The following TEX15 variants were observed in gnomAD, a reference collection of about 807,000 sequenced individuals.
The protein encoded by TEX15 is testis-expressed protein 15.
A neutral mutation model predicts 237.3 loss-of-function variants in TEX15; 171 were observed. The ratio of observed to expected loss-of-function variants is 0.72; its 90% CI spans 0.64 to 0.82. The LOEUF is 0.82. Among genes scored for constraint, TEX15 ranks in the 40% least tolerant of loss-of-function variants. TEX15 has a pLI of 0.00. For missense variants in TEX15, 3,750 were observed against 3,646.5 expected (o/e 1.03, Z -0.73); for synonymous variants, 1,338 against 1,269.8 (o/e 1.05, Z -1.14).
intron 5 of TEX15, among the ~76,000 whole-genome samples, chr8:30,862,438 T>C (rs987488741): frequency 2.6e-5 from 4 of 152,176 alleles, no homozygotes; most frequent in East Asian, 1.9e-4. Context: ...AACAACATAC[T>C]TTAATTACAA....
Position 30,842,333 on chromosome 8 carries a change from T to A in TEX15, c.7834A>T (p.Ile2612Phe). ...TCAATCGTTTTCATGACTTTCCTAA[T>A]GTGGGCCATTTTTCCTAAATCTTTC... ...PRKDLGKMAHIRKVMKTIEHM... is the reference protein window; with the variant it reads ...PRKDLGKMAHFRKVMKTIEHM... The change falls in exon 8 of 11, where the codon ATT (isoleucine) becomes TTT (phenylalanine). Residue 2612 changes from isoleucine (I) to phenylalanine (F), a missense_variant. Coordinates refer to ENST00000643185, the MANE Select transcript of TEX15 (RefSeq NM_001350162.2). The A allele has an allele frequency of 6.2e-7, 1 of 1,613,916 alleles. No homozygotes were observed. The highest frequency in any genetic ancestry group is 8.5e-7 in the Non-Finnish European group (1 of 1,179,892).
intron 2 of TEX15, among the ~76,000 whole-genome samples, chr8:30,895,188 A>T (rs548130156): frequency 6.6e-5 from 10 of 151,886 alleles, no homozygotes; most frequent in African/African-American, 2.2e-4. Flanking sequence ...ACCAAAAAAA[A>T]TATGTAGTAT....
In TEX15 at chr8:30,844,262, T is replaced by C. The variant is rs1213365572; in HGVS notation, c.5905A>G (p.Lys1969Glu). 4.3e-6 allele frequency: 7 copies of C among 1,613,196 alleles called. No homozygotes were observed. The highest frequency in any genetic ancestry group is 1.1e-5 in the South Asian group (1 of 90,956). Residue 1969 changes from lysine to glutamate, a missense_variant, in exon 8 of 11, where the codon AAA (lysine) becomes GAA (glutamate). Physicochemically the swap from Lys to Glu is moderately conservative, Grantham distance 56 (BLOSUM62 1). Coordinates refer to ENST00000643185, the MANE Select transcript of TEX15 (RefSeq NM_001350162.2). ...PILPAHSETC[K>E]VPTLLKKPAS... ...GGTTTCTTCAGAAGAGTAGGGACTT[T>C]ACAGGTTTCAGAGTGGGCAGGTAAA...
intron 5 of TEX15, among the ~76,000 whole-genome samples, chr8:30,865,950 G>C (rs1808153932): frequency 6.6e-6 from 1 of 151,994 alleles, no homozygotes; most frequent in Admixed American, 6.6e-5. Flanking sequence ...AGAGCAATCA[G>C]GCAAGTGAAA....
At chr8:30,876,458 T>A (rs1347137280) in intron 3 of TEX15, among the ~76,000 whole-genome samples, 1 of 152,208 alleles carries the variant, frequency 6.6e-6, no homozygotes, top group Non-Finnish European at 1.5e-5. Flanking sequence ...TATGTTTTTT[T>A]AATTAGCCAT....
intron 3 of TEX15, among the ~76,000 whole-genome samples, chr8:30,881,789 T>C (rs74924055): frequency 0.12 from 17,652 of 151,878 alleles, 1,711 homozygotes; most frequent in African/African-American, 0.27. Context: ...GCCTGGCTAA[T>C]TTTTTGTATT....
intron 3 of TEX15, among the ~76,000 whole-genome samples, chr8:30,881,795 G>A (rs1055564473): frequency 2.6e-5 from 4 of 151,536 alleles, no homozygotes; most frequent in African/African-American, 9.7e-5. Context: ...CTAATTTTTT[G>A]TATTTCAGTA....
chr8:30,867,097 G>A (rs1218250739), intron 5 of TEX15, among the ~76,000 whole-genome samples, 168 bp downstream of exon 5: 1 of 149,928 alleles, frequency 6.7e-6, no homozygotes, highest in Non-Finnish European at 1.5e-5. Context: ...AGGTAAAGAG[G>A]AAAGGAGAAA....
intron 2 of TEX15, 132 bp downstream of exon 2, chr8:30,898,610 A>G (rs751898865): frequency 6.6e-6 from 1 of 152,244 alleles, no homozygotes; most frequent in Non-Finnish European, 1.5e-5. Context: ...AAGTATTCCA[A>G]TGTGTGATAA....
chr8:30,848,883 T>G lies in TEX15; in HGVS notation c.1284A>C (p.Ser428=), dbSNP rs776647850. 24 of 1,614,094 alleles carry G rather than the reference T, an allele frequency of 1.5e-5. No individual in the cohort carries two copies. Among genetic ancestry groups the G allele is most frequent in the Non-Finnish European group, 1.9e-5 (23 of 1,180,050 alleles). ...NNTGSSTVTT[S]KSIKDPRLMR... is the part of the protein sequence containing the mutation. ...TCAGTCTTGGGTCTTTGATGGATTTTGAAGTAGTGACTGTGCTTGAGCCAG... is the reference window on the plus strand; with the variant it reads ...TCAGTCTTGGGTCTTTGATGGATTTGGAAGTAGTGACTGTGCTTGAGCCAG... The change falls in exon 8 of 11, where the codon TCA becomes TCC. Residue 428 remains serine, a synonymous_variant. Coordinates refer to ENST00000643185, the MANE Select transcript of TEX15 (RefSeq NM_001350162.2).
At chr8:30,873,675 C>A (rs941587377) in intron 4 of TEX15, among the ~76,000 whole-genome samples, 5 of 152,112 alleles carry the variant, frequency 3.3e-5, no homozygotes, top group African/African-American at 1.2e-4. Context: ...AGTACAGAAA[C>A]CCATTCAAAC....
chr8:30,884,079 T>C (rs1808595445), intron 3 of TEX15, among the ~76,000 whole-genome samples: 2 of 152,198 alleles, frequency 1.3e-5, no homozygotes, highest in Admixed American at 6.5e-5. Flanking sequence ...GGCCTTGCTA[T>C]GTTGCACAGG....
chr8:30,884,076 C>G (rs1212211308), intron 3 of TEX15, among the ~76,000 whole-genome samples: 1 of 152,192 alleles, frequency 6.6e-6, no homozygotes. Context: ...CAGGGCCTTG[C>G]TATGTTGCAC....
In TEX15 at chr8:30,849,020, G is replaced by A. The variant is rs769824620; in HGVS notation, c.1147C>T (p.Leu383Phe). 6.2e-7 allele frequency: 1 copy of A among 1,614,168 alleles called. No homozygotes were observed. The highest frequency in any genetic ancestry group is 1.1e-5 in the South Asian group (1 of 91,078). The change falls in exon 8 of 11, where the codon CTT (leucine) becomes TTT (phenylalanine). Residue 383 changes from leucine (L) to phenylalanine (F), a missense_variant. Transcript: ENST00000643185. ...CTGTCTTTGGCATCACTGGGCATAA[G>A]TGAAATGTCTGAATCATGTGCAAGT... is the stretch of plus-strand genomic sequence containing the variant. Reference protein sequence around the residue: ...QVLAHDSDISLMPSDAKDSVN... With the variant: ...QVLAHDSDISFMPSDAKDSVN...
chr8:30,845,174 G>T lies in TEX15; in HGVS notation c.4993C>A (p.Leu1665Ile). ...DSNVKHFLND[L>I]YQQGNLILSD... ...AAAATAAGGTTACCTTGTTGGTAGA[G>T]ATCATTTAAAAAGTGCTTCACATTT... Residue 1665 changes from leucine to isoleucine, a missense_variant, in exon 8 of 11, where the codon CTC becomes ATC. Transcript: ENST00000643185. 3 of 1,613,402 alleles carry T rather than the reference G, an allele frequency of 1.9e-6. No homozygotes were observed. Among genetic ancestry groups the T allele is most frequent in the Non-Finnish European group, 2.5e-6 (3 of 1,179,486 alleles).
chr8:30,840,402 G>A (rs1450392673), intron 8 of TEX15, among the ~76,000 whole-genome samples: 1 of 152,056 alleles, frequency 6.6e-6, no homozygotes, highest in Non-Finnish European at 1.5e-5. Flanking sequence ...CACTATGTTG[G>A]TCAGGCTGGT....
intron 2 of TEX15, among the ~76,000 whole-genome samples, chr8:30,889,909 T>C (rs1808747954): frequency 8.2e-6 from 1 of 121,528 alleles, no homozygotes; most frequent in African/African-American, 3.5e-5. Flanking sequence ...ACAATGATTA[T>C]ATATATTTAT....
intron 3 of TEX15, among the ~76,000 whole-genome samples, chr8:30,880,689 T>G (rs1405016090): frequency 1.3e-5 from 2 of 152,152 alleles, no homozygotes; most frequent in African/African-American, 4.8e-5. Context: ...GTTAATCAAC[T>G]GTTCATGTTA....
chr8:30,849,238 T>C lies in TEX15; in HGVS notation c.929A>G (p.His310Arg), dbSNP rs2128768548. 2 of 1,536,130 alleles carry C rather than the reference T, an allele frequency of 1.3e-6. No individual in the cohort carries two copies. Among genetic ancestry groups the C allele is most frequent in the Non-Finnish European group, 8.7e-7 (1 of 1,146,872 alleles). Residue 310 changes from histidine to arginine, a missense_variant, in exon 8 of 11, where the codon CAT becomes CGT. Physicochemically the swap from His to Arg is conservative, Grantham distance 29 (BLOSUM62 0). Coordinates refer to ENST00000643185, the MANE Select transcript of TEX15 (RefSeq NM_001350162.2). ...KGKDATVTFV[H>R]FKKPVDPFVQ... ...AAATGGATCTACAGGTTTCTTGAAA[T>C]GCACAAAGGTGACAGTAGCATCTTT...
Sources: gnomAD v4.1 joint callset for allele counts (sites outside exome capture counted in the v4.1 genomes callset) on GRCh38, gnomAD v4.1.1 for gene constraint, MANE v1.5 for transcripts, NCBI Gene and HGNC (gene_info 2026-07-23, HGNC 2026-07-21) for gene names.